The following CDCP2 variants were observed in gnomAD, a reference collection of about 807,000 sequenced individuals.
CDCP2 encodes CUB domain containing protein 2.
A neutral mutation model predicts 31.0 loss-of-function variants in CDCP2; 31 were observed. That is an observed-to-expected ratio of 1.00 (90% CI 0.75 to 1.35). The LOEUF (loss-of-function observed/expected upper bound fraction) is 1.35, where lower values mean the gene tolerates loss of function less well. Among genes scored for constraint, CDCP2 ranks in the 40% most tolerant of loss-of-function variants. The probability of loss-of-function intolerance (pLI) is 0.00; values close to 1 mark genes in which losing one functional copy is unlikely to be tolerated. For missense variants in CDCP2, 443 were observed against 482.6 expected (o/e 0.92, Z 0.77); for synonymous variants, 206 against 207.9 (o/e 0.99, Z 0.08).
intron 4 of CDCP2, among the ~76,000 whole-genome samples, chr1:54,137,441 G>T (rs961101521): frequency 6.6e-6 from 1 of 152,174 alleles, no homozygotes. Context: ...GGTAAGGGAA[G>T]CCTCACTTTC....
intron 1 of CDCP2, among the ~76,000 whole-genome samples, chr1:54,148,241 T>A (rs1415417849): frequency 6.7e-6 from 1 of 150,110 alleles, no homozygotes; most frequent in African/African-American, 2.5e-5. Context: ...AAAATTTTTA[T>A]AATTAAAAAT....
At chr1:54,136,517 C>G (rs953292094) in intron 5 of CDCP2, 113 bp downstream of exon 5, 1 of 398,360 alleles carries the variant, frequency 2.5e-6, no homozygotes, top group Non-Finnish European at 4.4e-6. Flanking sequence ...AGCTCTGCAT[C>G]CAGGCCTGTG....
intron 5 of CDCP2, among the ~76,000 whole-genome samples, chr1:54,135,730 T>G (rs1302528759): frequency 6.6e-6 from 1 of 152,110 alleles, no homozygotes; most frequent in Non-Finnish European, 1.5e-5. Flanking sequence ...ACCCTCCTTC[T>G]CTTCTCAGGT....
At chr1:54,133,380 G>A in intron 5 of CDCP2, 86 bp from the exon 6 acceptor site, 3 of 397,998 alleles carry the variant, frequency 7.5e-6, no homozygotes, top group Non-Finnish European at 4.4e-6. Context: ...CAGTACCAGG[G>A]GGGCAGAGCC....
chr1:54,143,209 G>A lies in CDCP2; in HGVS notation c.427+1257C>T, dbSNP rs118163945. On this transcript the variant is annotated intron_variant, in intron 2 of 5. Coordinates refer to ENST00000530059, the Ensembl canonical transcript of CDCP2. ...AAATTAGCCAAGCATGGTGGGTGGC[G>A]CGCGCCTGTAATCCCAGCTACTTGG... 2.1e-4 allele frequency among the ~76,000 whole-genome samples: 32 copies of A among 152,022 alleles called. 1 individual carries two copies. In the East Asian group the frequency reaches 5.4e-3, roughly 26 times the overall value.
intron 1 of CDCP2, among the ~76,000 whole-genome samples, chr1:54,152,332 C>G (rs2100436530): frequency 6.6e-6 from 1 of 152,140 alleles, no homozygotes; most frequent in Admixed American, 6.5e-5. Context: ...GTCGTGGTGG[C>G]ACATGCCTGT....
chr1:54,142,708 GC>G (rs1659394915), intron 2 of CDCP2: 1 of 152,222 alleles, frequency 6.6e-6, no homozygotes, highest in African/African-American at 2.4e-5. Context: ...CTTTAGGAAG[GC>G]CCTCTCAGGG....
intron 1 of CDCP2, among the ~76,000 whole-genome samples, chr1:54,150,273 C>T (rs1023420619): frequency 1.4e-4 from 22 of 152,260 alleles, no homozygotes; most frequent in African/African-American, 4.1e-4. Context: ...TGCATTTGGT[C>T]GGTATCTGAC....
downstream of CDCP2, chr1:54,132,903 C>G (rs1226110765): frequency 2.5e-6 from 1 of 397,962 alleles, no homozygotes; most frequent in Non-Finnish European, 4.4e-6. Context: ...CCCCGTCCCA[C>G]CCCTGTTATG....
Position 54,144,827 on chromosome 1 carries a change from G to C in CDCP2, c.80-14C>G. On this transcript the variant is annotated splice_polypyrimidine_tract_variant and intron_variant, in intron 1 of 5. Coordinates refer to ENST00000530059, the Ensembl canonical transcript of CDCP2. ...CACATTTGACACCTGGGGCAAGAGA[G>C]AAGTATGGCTGAGACTCCGTGCTGG... 1.3e-6 allele frequency: 2 copies of C among 1,594,974 alleles called. No homozygotes were observed. Among genetic ancestry groups the C allele is most frequent in the Non-Finnish European group, 1.7e-6 (2 of 1,168,300 alleles).
chr1:54,139,526 G>C, intron 4 of CDCP2: 1 of 1,612,966 alleles, frequency 6.2e-7, no homozygotes, highest in African/African-American at 1.3e-5. Context: ...GAAGTTAGAA[G>C]CTGGGGAAGG....
At chr1:54,140,025 C>A (rs147725209) in exon 4 of CDCP2, 5 of 1,613,824 alleles carry the variant, frequency 3.1e-6, no homozygotes, top group Non-Finnish European at 3.4e-6. Flanking sequence ...CCAGTGGCAG[C>A]GGATGTTGTT....
At chr1:54,136,360 G>GCAT (rs1267371783) in intron 5 of CDCP2, among the ~76,000 whole-genome samples, 1 of 152,224 alleles carries the variant, frequency 6.6e-6, no homozygotes, top group Non-Finnish European at 1.5e-5. Context: ...AGCAGCAGCA[G>GCAT]CTGGGGTTAG....
At chr1:54,147,603 T>C (rs1659497987) in intron 1 of CDCP2, among the ~76,000 whole-genome samples, 2 of 151,808 alleles carry the variant, frequency 1.3e-5, no homozygotes, top group Non-Finnish European at 2.9e-5. Context: ...CTGACCTCAG[T>C]TGATCTACCC....
exon 1 of CDCP2, chr1:54,152,897 A>G (rs1434116207): frequency 6.2e-7 from 1 of 1,614,104 alleles, no homozygotes; most frequent in Non-Finnish European, 8.5e-7. Flanking sequence ...TGCCAGCAGC[A>G]GGCAAGCCCC....
chr1:54,152,682 T>C (rs1274541093), intron 1 of CDCP2, among the ~76,000 whole-genome samples, 162 bp downstream of exon 1: 1 of 152,200 alleles, frequency 6.6e-6, no homozygotes, highest in East Asian at 1.9e-4. Context: ...CACTCAATAT[T>C]GTCTCCCCCC....
intron 4 of CDCP2, 99 bp downstream of exon 4, chr1:54,139,654 C>T (rs747638290): frequency 6.3e-7 from 1 of 1,587,588 alleles, no homozygotes; most frequent in Non-Finnish European, 8.6e-7. Flanking sequence ...ATGGGGGGGG[C>T]AGGACAAACT....
intron 2 of CDCP2, chr1:54,141,638 C>T (rs766645573): frequency 6.5e-5 from 35 of 538,852 alleles, no homozygotes; most frequent in Middle Eastern, 4.8e-4. Flanking sequence ...TGTTCAAATC[C>T]TCAGAGTAGC....
chr1:54,133,748 T>C (rs1659208975), intron 5 of CDCP2, among the ~76,000 whole-genome samples: 1 of 151,592 alleles, frequency 6.6e-6, no homozygotes, highest in African/African-American at 2.4e-5. Context: ...TACAAAAAAT[T>C]AGCCGGGCGT....
Sources: gnomAD v4.1 joint callset for allele counts (sites outside exome capture counted in the v4.1 genomes callset) on GRCh38, gnomAD v4.1.1 for gene constraint, MANE v1.5 for transcripts, NCBI Gene and HGNC (gene_info 2026-07-23, HGNC 2026-07-21) for gene names.